The following RSU1 variants were observed in gnomAD, a reference collection of about 807,000 sequenced individuals.
RSU1 encodes Ras suppressor protein 1, also known as rsu-1.
A neutral mutation model predicts 31.1 loss-of-function variants in RSU1; 26 were observed. That is an observed-to-expected ratio of 0.84 (90% CI 0.61 to 1.16). The LOEUF (loss-of-function observed/expected upper bound fraction) is 1.16. RSU1 is among the 50% of genes most tolerant of loss of function. The probability of loss-of-function intolerance (pLI) is 0.00; values close to 1 mark genes in which losing one functional copy is unlikely to be tolerated. For missense variants in RSU1, 320 were observed against 339.1 expected (o/e 0.94, Z 0.44); for synonymous variants, 164 against 136.3 (o/e 1.20, Z -1.41).
chr10:16,712,941 A>G (rs550120344), intron 7 of RSU1, among the ~76,000 whole-genome samples: 1 of 152,116 alleles, frequency 6.6e-6, no homozygotes, highest in Admixed American at 6.5e-5. Context: ...TTTCTCCTTC[A>G]TTTCTGAAGG....
rs1403252966 is a variant in RSU1 at position 16,754,879 on chromosome 10, A to C, written c.392T>G (p.Phe131Cys). 1 of 1,597,638 alleles carries C rather than the reference A, an allele frequency of 6.3e-7. No homozygotes were observed. Among genetic ancestry groups the C allele is most frequent in the South Asian group, 1.1e-5 (1 of 90,580 alleles). ...LSENSLPGNF[F>C]YLTTLRALYL... ...AATTGAAAGTTTCTTACTCAGGTAGAAGAAGTTTCCAGGAAGAGAATTTTC... is the reference window on the plus strand; with the variant it reads ...AATTGAAAGTTTCTTACTCAGGTAGCAGAAGTTTCCAGGAAGAGAATTTTC... Residue 131 changes from phenylalanine (F) to cysteine (C), a missense_variant, in exon 5 of 9, where the codon TTC becomes TGC. Coordinates refer to ENST00000345264, the MANE Select transcript of RSU1 (RefSeq NM_012425.4).
chr10:16,614,630 A>G (rs56729314), intron 8 of RSU1, among the ~76,000 whole-genome samples: 5,316 of 152,234 alleles, frequency 0.035, 313 homozygotes, highest in African/African-American at 0.12. Context: ...AAATACATAC[A>G]CCTACTGTGT....
intron 7 of RSU1, among the ~76,000 whole-genome samples, chr10:16,698,299 G>C (rs1440698586): frequency 6.6e-6 from 1 of 151,954 alleles, no homozygotes; most frequent in Non-Finnish European, 1.5e-5. Flanking sequence ...CGAAACTGAA[G>C]GTATGTTATG....
intron 2 of RSU1, among the ~76,000 whole-genome samples, chr10:16,799,804 G>C (rs372742299): frequency 6.6e-6 from 1 of 152,092 alleles, no homozygotes; most frequent in Non-Finnish European, 1.5e-5. Flanking sequence ...ACTCCAGCCC[G>C]CTCACACCTT....
At chr10:16,817,179 G>C in intron 1 of RSU1, 95 bp from the exon 2 acceptor site, 1 of 900,534 alleles carries the variant, frequency 1.1e-6, no homozygotes, top group Non-Finnish European at 1.8e-6. Context: ...GCTTCCCCAG[G>C]GTTGGAGCGG....
intron 2 of RSU1, among the ~76,000 whole-genome samples, chr10:16,808,950 G>A (rs540208363): frequency 6.6e-6 from 1 of 152,308 alleles, no homozygotes; most frequent in African/African-American, 2.4e-5. Context: ...TGCAAGCCCA[G>A]GAGAGAGGCC....
chr10:16,729,996 C>T (rs1214953845), intron 7 of RSU1, among the ~76,000 whole-genome samples: 1 of 152,178 alleles, frequency 6.6e-6, no homozygotes, highest in African/African-American at 2.4e-5. Context: ...GCTCCTGGTT[C>T]CACAGGCTGC....
In RSU1 at chr10:16,696,122, AG is replaced by A. The variant is rs371090051; in HGVS notation, c.599-968del. Reference sequence around the variant, plus strand: ...AGTTAGGCAGCAGGGATATATGTGAAGGTCTGTCCCTAAAAGTCCTACTGAG... The same window carrying A: ...AGTTAGGCAGCAGGGATATATGTGAAGTCTGTCCCTAAAAGTCCTACTGAG... On this transcript the variant is annotated intron_variant, in intron 7 of 8. Transcript: ENST00000345264. Among the ~76,000 whole-genome samples the A allele has an allele frequency of 5.1e-3, 780 of 152,310 alleles. 5 individuals are homozygous for A. The highest frequency in any genetic ancestry group is 0.017 in the African/African-American group (715 of 41,570).
chr10:16,708,105 A>C (rs1213191593), intron 7 of RSU1, among the ~76,000 whole-genome samples: 2 of 152,100 alleles, frequency 1.3e-5, no homozygotes, highest in Non-Finnish European at 2.9e-5. Flanking sequence ...TAACATGTTT[A>C]GGTTCCCATA....
intron 8 of RSU1, among the ~76,000 whole-genome samples, chr10:16,610,796 A>G (rs1453038546): frequency 6.6e-6 from 1 of 152,210 alleles, no homozygotes; most frequent in African/African-American, 2.4e-5. Flanking sequence ...GGTCCATGGA[A>G]AAACTGTCTT....
intron 2 of RSU1, among the ~76,000 whole-genome samples, chr10:16,789,787 C>T (rs1258990005): frequency 2.0e-5 from 3 of 152,154 alleles, no homozygotes; most frequent in Non-Finnish European, 4.4e-5. Flanking sequence ...GAATGAGCTC[C>T]CCCAAAGCAG....
intron 3 of RSU1, among the ~76,000 whole-genome samples, chr10:16,775,738 T>C (rs1305288594): frequency 2.0e-5 from 3 of 152,200 alleles, no homozygotes; most frequent in African/African-American, 7.2e-5. Context: ...TGACTACCGG[T>C]ACCATCAGAT....
intron 3 of RSU1, among the ~76,000 whole-genome samples, chr10:16,764,766 G>A (rs1837279167): frequency 6.6e-6 from 1 of 152,082 alleles, no homozygotes; most frequent in Admixed American, 6.5e-5. Context: ...GACAATGAGG[G>A]GGGAAACAGA....
intron 2 of RSU1, among the ~76,000 whole-genome samples, chr10:16,803,219 T>C (rs1031794016): frequency 3.9e-5 from 6 of 152,064 alleles, no homozygotes; most frequent in African/African-American, 1.2e-4. Flanking sequence ...CTTTTCTATA[T>C]AAAAAAATAG....
chr10:16,786,815 C>T (rs1837801435), intron 2 of RSU1, among the ~76,000 whole-genome samples: 1 of 152,146 alleles, frequency 6.6e-6, no homozygotes. Flanking sequence ...TATAGAGCTA[C>T]ATAAAATGGT....
chr10:16,771,256 A>C (rs1426296690), intron 3 of RSU1, among the ~76,000 whole-genome samples: 1 of 152,244 alleles, frequency 6.6e-6, no homozygotes, highest in Admixed American at 6.5e-5. Flanking sequence ...AAATGGTGAA[A>C]GCAAACATTT....
intron 7 of RSU1, among the ~76,000 whole-genome samples, chr10:16,734,446 A>G (rs1024743656): frequency 2.6e-5 from 4 of 152,256 alleles, no homozygotes; most frequent in African/African-American, 9.6e-5. Flanking sequence ...AAAGGGTTAC[A>G]ATGATGAATA....
chr10:16,614,090 C>G (rs891616570), intron 8 of RSU1, among the ~76,000 whole-genome samples: 4 of 152,126 alleles, frequency 2.6e-5, no homozygotes, highest in Non-Finnish European at 5.9e-5. Context: ...CTATATAACC[C>G]TAACATTTAG....
chr10:16,806,973 C>G (rs1242683930), intron 2 of RSU1, among the ~76,000 whole-genome samples: 1 of 152,148 alleles, frequency 6.6e-6, no homozygotes, highest in Non-Finnish European at 1.5e-5. Context: ...AGGGTGGTCT[C>G]AAACTCCTGA....
Sources: allele counts gnomAD v4.1 joint callset (sites outside exome capture counted in the v4.1 genomes callset), GRCh38; gene constraint gnomAD v4.1.1; transcripts MANE v1.5; gene names NCBI Gene and HGNC (gene_info 2026-07-23, HGNC 2026-07-21).